The following GSK3B variants were observed in gnomAD, a reference collection of about 807,000 sequenced individuals.
The protein encoded by GSK3B is glycogen synthase kinase 3 beta, also known as glycogen synthase kinase-3 beta.
A neutral mutation model predicts 56.4 loss-of-function variants in GSK3B; 15 were observed. That is an observed-to-expected ratio of 0.27 (90% CI 0.18 to 0.41). The LOEUF (loss-of-function observed/expected upper bound fraction) is 0.41, where lower values mean the gene tolerates loss of function less well. Among genes scored for constraint, GSK3B ranks in the 10% least tolerant of loss-of-function variants. The pLI is 1.00. For synonymous variants in GSK3B, 181 were observed against 188.9 expected, an observed-to-expected ratio of 0.96 and a Z score of 0.34; for missense variants, 300 against 513.4, an observed-to-expected ratio of 0.58 and a Z score of 4.02.
intron 2 of GSK3B, among the ~76,000 whole-genome samples, chr3:119,951,513 G>T (rs2057157162): frequency 1.3e-5 from 2 of 152,214 alleles, no homozygotes; most frequent in South Asian, 4.1e-4. Context: ...GGAGCCTGCA[G>T]TAAGCTGAGA....
At chr3:120,042,652 G>A (rs2058072903) in intron 1 of GSK3B, among the ~76,000 whole-genome samples, 1 of 152,108 alleles carries the variant, frequency 6.6e-6, no homozygotes, top group African/African-American at 2.4e-5. Context: ...TAAAAATATA[G>A]TGCTCAAGTT....
chr3:120,061,152 T>A (rs1253053231), intron 1 of GSK3B, among the ~76,000 whole-genome samples: 1 of 152,252 alleles, frequency 6.6e-6, no homozygotes. Context: ...AGTAACACTT[T>A]AAATCTCTAT....
At chr3:120,066,831 C>G (rs577208823) in intron 1 of GSK3B, among the ~76,000 whole-genome samples, 54 of 152,106 alleles carry the variant, frequency 3.6e-4, no homozygotes, top group Non-Finnish European at 7.1e-4. Context: ...GTGGCTACAT[C>G]CTAATAAAAC....
intron 2 of GSK3B, among the ~76,000 whole-genome samples, chr3:119,983,038 GTGGAGGCCAATA>G: frequency 6.6e-6 from 1 of 152,186 alleles, no homozygotes; most frequent in African/African-American, 2.4e-5. Flanking sequence ...CCAGAAGAAA[GTGGAGGCCAATA>G]TTCAAAATTC....
intron 2 of GSK3B, among the ~76,000 whole-genome samples, chr3:119,971,674 G>A (rs994036410): frequency 7.3e-6 from 1 of 137,734 alleles, no homozygotes; most frequent in African/African-American, 2.9e-5. Flanking sequence ...TGCAGTGGCG[G>A]GATCTCGGCT....
chr3:119,841,566 A>G (rs2055772534), intron 10 of GSK3B, among the ~76,000 whole-genome samples: 1 of 152,232 alleles, frequency 6.6e-6, no homozygotes, highest in African/African-American at 2.4e-5. Context: ...CTTTTAAAAA[A>G]TCTTTTTACC....
chr3:120,023,018 T>C (rs1430305881), intron 1 of GSK3B, among the ~76,000 whole-genome samples: 1 of 152,144 alleles, frequency 6.6e-6, no homozygotes, highest in Non-Finnish European at 1.5e-5. Flanking sequence ...AGAACTTTCA[T>C]CCTTGGGAAA....
Position 120,073,263 on chromosome 3 carries a change from C to T in GSK3B, c.88+20084G>A, listed in dbSNP as rs533713348. ...AAAAAGCCTGGCATGGTGGTGCGGG[C>T]CTGTAGTCCTAGCTAATTGAAAGGC... On this transcript the variant is annotated intron_variant, in intron 1 of 10. Coordinates refer to ENST00000264235, the MANE Select transcript of GSK3B (RefSeq NM_001146156.2). 2.3e-4 allele frequency among the ~76,000 whole-genome samples: 34 copies of T among 147,778 alleles called. No individual in the cohort carries two copies. In the South Asian group the frequency reaches 6.3e-3, roughly 28 times the overall value.
chr3:119,890,696 A>G (rs1466638894), intron 7 of GSK3B, among the ~76,000 whole-genome samples: 1 of 151,650 alleles, frequency 6.6e-6, no homozygotes, highest in African/African-American at 2.4e-5. Context: ...TAAAATGCCT[A>G]TATTTTATTA....
chr3:120,007,063 T>TA (rs765764663), intron 1 of GSK3B, among the ~76,000 whole-genome samples: 20 of 151,654 alleles, frequency 1.3e-4, no homozygotes, highest in Non-Finnish European at 2.8e-4. Context: ...ATAGATGCAA[T>TA]AAAAAATGAT....
chr3:119,830,829 G>A (rs2055586938), intron 10 of GSK3B, among the ~76,000 whole-genome samples: 1 of 152,184 alleles, frequency 6.6e-6, no homozygotes, highest in Admixed American at 6.5e-5. Flanking sequence ...TTGGTAAAAT[G>A]GTAGTAATAC....
intron 7 of GSK3B, among the ~76,000 whole-genome samples, chr3:119,900,109 A>C (rs996318590): frequency 3.9e-5 from 6 of 152,148 alleles, no homozygotes; most frequent in African/African-American, 1.2e-4. Context: ...GTATTACAAA[A>C]GAAATTAAGA....
intron 8 of GSK3B, among the ~76,000 whole-genome samples, chr3:119,872,325 T>G (rs2056259401): frequency 6.6e-6 from 1 of 152,112 alleles, no homozygotes; most frequent in Non-Finnish European, 1.5e-5. Context: ...ACAGAGTGAC[T>G]AAATAATCTG....
intron 10 of GSK3B, among the ~76,000 whole-genome samples, chr3:119,829,699 G>A (rs2055568974): frequency 6.6e-6 from 1 of 152,104 alleles, no homozygotes; most frequent in African/African-American, 2.4e-5. Context: ...CCTCTTTCTT[G>A]GATAAATTCA....
chr3:120,086,908 A>G (rs2058468169), intron 1 of GSK3B, among the ~76,000 whole-genome samples: 1 of 152,206 alleles, frequency 6.6e-6, no homozygotes, highest in South Asian at 2.1e-4. Flanking sequence ...AGTAATCCCA[A>G]TATGCTTGTT....
intron 2 of GSK3B, among the ~76,000 whole-genome samples, chr3:119,999,643 T>C (rs926582198): frequency 3.3e-5 from 5 of 152,190 alleles, no homozygotes; most frequent in African/African-American, 7.2e-5. Flanking sequence ...TTATGGACAA[T>C]ATGGGCTCGA....
At chr3:120,044,113 T>G (rs1428056880) in intron 1 of GSK3B, among the ~76,000 whole-genome samples, 1 of 152,196 alleles carries the variant, frequency 6.6e-6, no homozygotes, top group African/African-American at 2.4e-5. Flanking sequence ...GGCTGCATGG[T>G]AACTCTCTTC....
At chr3:119,981,097 C>G (rs745827034) in intron 2 of GSK3B, among the ~76,000 whole-genome samples, 5 of 152,196 alleles carry the variant, frequency 3.3e-5, no homozygotes, top group African/African-American at 4.8e-5. Context: ...ACCTACGACA[C>G]GTGGAGTTAA....
intron 3 of GSK3B, among the ~76,000 whole-genome samples, chr3:119,940,229 G>A (rs1485510412): frequency 2.0e-5 from 3 of 151,574 alleles, no homozygotes; most frequent in South Asian, 4.2e-4. Flanking sequence ...TCATTTTAGC[G>A]ATAAGGAGAA....
Sources: allele counts gnomAD v4.1 joint callset (sites outside exome capture counted in the v4.1 genomes callset), GRCh38; gene constraint gnomAD v4.1.1; transcripts MANE v1.5; gene names NCBI Gene and HGNC (gene_info 2026-07-23, HGNC 2026-07-21).